The following PTPRQ variants were observed in gnomAD, a reference collection of about 807,000 sequenced individuals.
PTPRQ encodes phosphatidylinositol phosphatase PTPRQ.
In PTPRQ, 199 loss-of-function variants were observed where a neutral mutation model predicts 246.0. The ratio of observed to expected loss-of-function variants is 0.81; its 90% CI spans 0.72 to 0.91. PTPRQ has a LOEUF of 0.91. PTPRQ is among the 40% of genes least tolerant of loss of function. The pLI is 0.00. For synonymous variants in PTPRQ, 869 were observed against 853.2 expected (o/e 1.02, Z -0.32); for missense variants, 2,624 against 2,528.4 (o/e 1.04, Z -0.81).
chr12:80,494,928 A>T lies in PTPRQ; in HGVS notation c.1541-5A>T. On this transcript the variant is annotated splice_region_variant and splice_polypyrimidine_tract_variant and intron_variant, in intron 10 of 44. Transcript: ENST00000644991. ...TTTTTTTCTCTTTTTACTGAATTCA[A>T]ACAGTAACTACAAGGAATCAGTATA... 6.6e-7 allele frequency: 1 copy of T among 1,523,248 alleles called. No individual in the cohort carries two copies. The allele number at this position is 1,523,248 out of a possible 1,614,324, so 94.4% of individuals were successfully genotyped here.
intron 42 of PTPRQ, among the ~76,000 whole-genome samples, chr12:80,672,918 G>A (rs1365129727): frequency 1.3e-5 from 2 of 151,980 alleles, no homozygotes; most frequent in East Asian, 3.9e-4. Context: ...TAAGAAATAA[G>A]AGGTTAAGTT....
chr12:80,627,290 C>A (rs1159141823), intron 33 of PTPRQ, among the ~76,000 whole-genome samples: 1 of 149,264 alleles, frequency 6.7e-6, no homozygotes, highest in African/African-American at 2.5e-5. Context: ...TAGCACTGGG[C>A]CAAAAGAGAA....
At chr12:80,455,799 C>G (rs948689762) in intron 3 of PTPRQ, among the ~76,000 whole-genome samples, 6 of 151,906 alleles carry the variant, frequency 3.9e-5, no homozygotes, top group African/African-American at 1.5e-4. Flanking sequence ...ACGGGTTTCA[C>G]TATGTTGGTC....
At chr12:80,674,071 T>C (rs978923950) in intron 43 of PTPRQ, among the ~76,000 whole-genome samples, 1 of 152,142 alleles carries the variant, frequency 6.6e-6, no homozygotes, top group Non-Finnish European at 1.5e-5. Context: ...AGTTAAATGA[T>C]ATTCCAAGAT....
chr12:80,506,598 G>C lies in PTPRQ; in HGVS notation c.2485G>C (p.Glu829Gln). ...GAAGAAATATACCCAATATATCATT[G>C]AGGTGTCTGCTAGTACACTCAAAGG... is the stretch of plus-strand genomic sequence containing the variant. ...VLKKYTQYII[E>Q]VSASTLKGEG... is the part of the protein sequence containing the mutation. Residue 829 changes from glutamate to glutamine, a missense_variant, in exon 16 of 45, where the codon GAG (glutamate) becomes CAG (glutamine). Glu to Gln is a conservative substitution (Grantham distance 29). Transcript: ENST00000644991. The C allele has an allele frequency of 1.3e-6, 2 of 1,538,990 alleles. No individual in the cohort carries two copies. Among genetic ancestry groups the C allele is most frequent in the Non-Finnish European group, 1.8e-6 (2 of 1,137,776 alleles).
At chr12:80,481,612 A>T (rs918443635) in intron 8 of PTPRQ, among the ~76,000 whole-genome samples, 16 of 152,264 alleles carry the variant, frequency 1.1e-4, no homozygotes, top group Non-Finnish European at 2.2e-4. Context: ...ACATGATTGT[A>T]TATCTAGAAA....
At chr12:80,593,195 A>G (rs1046422593) in intron 26 of PTPRQ, among the ~76,000 whole-genome samples, 2 of 152,186 alleles carry the variant, frequency 1.3e-5, no homozygotes, top group African/African-American at 4.8e-5. Flanking sequence ...ACATCTTGTC[A>G]AAACCTGGAT....
chr12:80,502,982 G>A (rs1894847924), intron 14 of PTPRQ, among the ~76,000 whole-genome samples: 1 of 151,812 alleles, frequency 6.6e-6, no homozygotes, highest in African/African-American at 2.4e-5. Context: ...AAGATGTTCA[G>A]AGAAGTGACA....
chr12:80,477,313 G>A (rs74110904), intron 8 of PTPRQ, among the ~76,000 whole-genome samples: 4,601 of 152,134 alleles, frequency 0.03, 263 homozygotes, highest in African/African-American at 0.11. Flanking sequence ...TGCATTCAGA[G>A]TCTTCTGGAT....
intron 28 of PTPRQ, among the ~76,000 whole-genome samples, chr12:80,612,119 TTCAA>T (rs1288200320): frequency 6.6e-6 from 1 of 150,382 alleles, no homozygotes; most frequent in Non-Finnish European, 1.5e-5. Context: ...GATATAGTCA[TTCAA>T]TCAGTCACTT....
intron 40 of PTPRQ, 84 bp downstream of exon 40, chr12:80,669,225 C>A: frequency 6.6e-7 from 1 of 1,526,530 alleles, no homozygotes; most frequent in South Asian, 1.2e-5. Flanking sequence ...TACTGTGAGT[C>A]ATCAATAACC....
intron 25 of PTPRQ, among the ~76,000 whole-genome samples, chr12:80,562,009 T>A (rs931308940): frequency 1.3e-5 from 2 of 152,206 alleles, no homozygotes; most frequent in Non-Finnish European, 2.9e-5. Context: ...CAAATGCTTT[T>A]TTTTGCATTG....
intron 29 of PTPRQ, among the ~76,000 whole-genome samples, chr12:80,615,610 G>A (rs751659574): frequency 1.6e-4 from 24 of 151,146 alleles, no homozygotes; most frequent in Non-Finnish European, 2.7e-4. Context: ...AGGTTATAGC[G>A]TCAGATACTT....
intron 14 of PTPRQ, among the ~76,000 whole-genome samples, chr12:80,497,433 C>T (rs1036342612): frequency 3.9e-5 from 6 of 151,946 alleles, no homozygotes; most frequent in Non-Finnish European, 8.8e-5. Context: ...GTAATTCAGG[C>T]GATAGGGAGT....
chr12:80,638,956 G>A (rs1052254481), intron 35 of PTPRQ, among the ~76,000 whole-genome samples: 4 of 152,100 alleles, frequency 2.6e-5, no homozygotes, highest in African/African-American at 4.8e-5. Context: ...AATGATCCTT[G>A]GGTTTTGTTA....
chr12:80,458,227 A>C (rs1481266196), intron 4 of PTPRQ, among the ~76,000 whole-genome samples: 3 of 152,126 alleles, frequency 2.0e-5, no homozygotes, highest in Non-Finnish European at 4.4e-5. Flanking sequence ...TACACATCTA[A>C]TCTATCAGTA....
chr12:80,518,275 A>T (rs1215246836), intron 17 of PTPRQ, among the ~76,000 whole-genome samples: 1 of 152,082 alleles, frequency 6.6e-6, no homozygotes, highest in Admixed American at 6.6e-5. Flanking sequence ...TGACATCTGT[A>T]TGTTATCTTT....
intron 25 of PTPRQ, chr12:80,561,589 C>T (rs1453146631): frequency 6.6e-6 from 1 of 151,916 alleles, no homozygotes; most frequent in Non-Finnish European, 1.5e-5. Context: ...AGACCTGGAG[C>T]AGACACTGAT....
chr12:80,463,298 A>G (rs942021834), intron 6 of PTPRQ, among the ~76,000 whole-genome samples: 6 of 152,188 alleles, frequency 3.9e-5, no homozygotes, highest in South Asian at 2.1e-4. Context: ...GAAATGAAGC[A>G]AGAAGGGAAG....
Sources: allele counts gnomAD v4.1 joint callset (sites outside exome capture counted in the v4.1 genomes callset), GRCh38; gene constraint gnomAD v4.1.1; transcripts MANE v1.5; gene names NCBI Gene and HGNC (gene_info 2026-07-23, HGNC 2026-07-21).